DIAPH2: variants seen among roughly 807,000 people sequenced by gnomAD.
DIAPH2 encodes the protein diaphanous related formin 2.
In DIAPH2, 35 loss-of-function variants were observed where a neutral mutation model predicts 92.7. The observed-to-expected ratio is 0.38, with a 90% confidence interval of 0.29 to 0.50. The LOEUF (loss-of-function observed/expected upper bound fraction) is 0.50. DIAPH2 is among the 20% of genes least tolerant of loss of function. The pLI is 0.94. For missense variants in DIAPH2, 701 were observed against 819.5 expected (o/e 0.86, Z 1.77); for synonymous variants, 301 against 280.4 (o/e 1.07, Z -0.73).
intron 17 of DIAPH2, among the ~76,000 whole-genome samples, chrX:97,057,029 T>G (rs2066561963): frequency 8.9e-6 from 1 of 111,769 alleles, no homozygotes; most frequent in South Asian, 3.7e-4. Flanking sequence ...AGAGATACAA[T>G]CTAAGATATT....
At chrX:96,768,057 G>T (rs938983142) in intron 4 of DIAPH2, among the ~76,000 whole-genome samples, 8 of 111,571 alleles carry the variant, frequency 7.2e-5, no homozygotes, top group African/African-American at 2.6e-4. Flanking sequence ...AAAATAAATT[G>T]TTTTTATTAT....
At chrX:96,702,507 C>T (rs2063861190) in intron 1 of DIAPH2, among the ~76,000 whole-genome samples, 1 of 111,760 alleles carries the variant, frequency 8.9e-6, no homozygotes, top group African/African-American at 3.3e-5. Flanking sequence ...GAGCACAAAT[C>T]GTGTTAATTC....
At chrX:96,723,916 A>ATTTTTTTTTT in intron 1 of DIAPH2, among the ~76,000 whole-genome samples, 1 of 71,299 alleles carries the variant, frequency 1.4e-5, no homozygotes, top group Non-Finnish European at 2.5e-5. Context: ...TGATTCTATA[A>ATTTTTTTTTT]TTTTTTTTTT....
At chrX:97,092,907 A>G (rs930007351) in intron 19 of DIAPH2, among the ~76,000 whole-genome samples, 4 of 111,435 alleles carry the variant, frequency 3.6e-5, no homozygotes, top group Non-Finnish European at 7.5e-5. Context: ...ATTCTAGGCC[A>G]GGCACAGTGG....
intron 23 of DIAPH2, among the ~76,000 whole-genome samples, chrX:97,276,024 C>T (rs891818391): frequency 2.7e-5 from 3 of 112,946 alleles, no homozygotes; most frequent in East Asian, 5.6e-4. Context: ...TCTGCAATCC[C>T]GGCACCTCGG....
intron 23 of DIAPH2, among the ~76,000 whole-genome samples, chrX:97,338,232 T>C (rs769288570): frequency 7.0e-4 from 78 of 111,772 alleles, no homozygotes; most frequent in Non-Finnish European, 1.2e-3. Flanking sequence ...TAAAGTATTA[T>C]GTTGAACCCA....
chrX:97,600,216 TTTCTTTTTTCTATTGC>T lies in DIAPH2; in HGVS notation c.*906_*921del, dbSNP rs1481551128. ...ATTGATTCCTATGCTCTGTGGTTTA[TTTCTTTTTTCTATTGC>T]TTCTTTCTCCCTTGAGTCCCTTGAA... is the stretch of plus-strand genomic sequence containing the variant. On this transcript the variant is annotated 3_prime_UTR_variant, in exon 27 of 27. Transcript: ENST00000324765. 6 of 112,299 alleles carry T rather than the reference TTTCTTTTTTCTATTGC, an allele frequency of 5.3e-5. No homozygotes were observed. Among genetic ancestry groups the T allele is most frequent in the Non-Finnish European group, 9.4e-5 (5 of 53,127 alleles). The allele number at this position is 112,299 out of a possible 1,213,427, so 9.3% of individuals were successfully genotyped here. A position where few individuals can be genotyped will look rare whatever the true frequency, so the allele number is the denominator to read the frequency against.
chrX:97,335,116 C>T (rs2069046885), intron 23 of DIAPH2, among the ~76,000 whole-genome samples: 2 of 109,376 alleles, frequency 1.8e-5, no homozygotes, highest in Admixed American at 2.0e-4. Flanking sequence ...GTTGGTCTCC[C>T]TGAGGCTAAT....
intron 22 of DIAPH2, among the ~76,000 whole-genome samples, chrX:97,217,326 C>G (rs2067891197): frequency 9.0e-6 from 1 of 111,584 alleles, no homozygotes; most frequent in African/African-American, 3.3e-5. Flanking sequence ...CAAACTCCAA[C>G]CCCTACTTAA....
chrX:97,269,935 T>G, intron 23 of DIAPH2, among the ~76,000 whole-genome samples: 1 of 108,234 alleles, frequency 9.2e-6, no homozygotes, highest in African/African-American at 3.4e-5. Flanking sequence ...CGTTTTGTTT[T>G]GTTTTGTTTT....
chrX:96,969,418 G>A (rs1157427907), intron 17 of DIAPH2, among the ~76,000 whole-genome samples: 3 of 108,998 alleles, frequency 2.8e-5, no homozygotes, highest in Admixed American at 9.7e-5. Context: ...GTAGTTTTTT[G>A]TGGCTCTCCT....
chrX:97,330,432 C>T (rs2068990953), intron 23 of DIAPH2, among the ~76,000 whole-genome samples: 1 of 110,806 alleles, frequency 9.0e-6, no homozygotes, highest in African/African-American at 3.3e-5. Flanking sequence ...CAGTATTTGT[C>T]CTGTGACTGA....
intron 17 of DIAPH2, among the ~76,000 whole-genome samples, chrX:97,002,130 C>G (rs1460238628): frequency 5.4e-5 from 6 of 110,627 alleles, no homozygotes; most frequent in African/African-American, 2.0e-4. Context: ...TAGGTCAAAT[C>G]TAATCCGTGT....
intron 24 of DIAPH2, among the ~76,000 whole-genome samples, chrX:97,352,224 A>T (rs780819451): frequency 9.0e-6 from 1 of 111,127 alleles, no homozygotes; most frequent in African/African-American, 3.2e-5. Flanking sequence ...ATCTTGGGAG[A>T]TCTATTTGGC....
chrX:96,793,115 A>G (rs1430913528), intron 4 of DIAPH2, among the ~76,000 whole-genome samples: 1 of 112,176 alleles, frequency 8.9e-6, no homozygotes, highest in Non-Finnish European at 1.9e-5. Context: ...TGATTTTGCT[A>G]TATCATTTTA....
chrX:97,367,711 T>C, intron 24 of DIAPH2, among the ~76,000 whole-genome samples: 1 of 108,496 alleles, frequency 9.2e-6, no homozygotes, highest in African/African-American at 3.4e-5. Flanking sequence ...TCTTTTTTTT[T>C]TTTTTTTTGA....
intron 20 of DIAPH2, among the ~76,000 whole-genome samples, chrX:97,102,666 G>A (rs768758638): frequency 6.3e-4 from 71 of 112,106 alleles, no homozygotes; most frequent in African/African-American, 2.2e-3. Context: ...GATGCCGGGC[G>A]CGTTGGCTCA....
At chrX:96,855,583 AATATAG>A (rs1226815769) in intron 4 of DIAPH2, among the ~76,000 whole-genome samples, 1 of 108,955 alleles carries the variant, frequency 9.2e-6, no homozygotes, top group Non-Finnish European at 1.9e-5. Context: ...TATAAATATA[AATATAG>A]ATATAAATAT....
intron 26 of DIAPH2, among the ~76,000 whole-genome samples, chrX:97,452,760 T>C (rs1177609118): frequency 1.8e-5 from 2 of 112,285 alleles, no homozygotes; most frequent in Non-Finnish European, 3.8e-5. Flanking sequence ...GTGTTCTGAG[T>C]CACCCACGTG....
Sources: gnomAD v4.1 joint callset for allele counts (sites outside exome capture counted in the v4.1 genomes callset) on GRCh38, gnomAD v4.1.1 for gene constraint, MANE v1.5 for transcripts, NCBI Gene and HGNC (gene_info 2026-07-23, HGNC 2026-07-21) for gene names.